TRPM3: variants seen among roughly 807,000 people sequenced by gnomAD.
TRPM3 encodes the protein long transient receptor potential channel 3.
TRPM3 carries 77 observed loss-of-function variants against 181.2 expected under a neutral mutation model. The ratio of observed to expected loss-of-function variants is 0.42; its 90% confidence interval spans 0.35 to 0.51. The LOEUF (loss-of-function observed/expected upper bound fraction) is 0.51. Among genes scored for constraint, TRPM3 ranks in the 20% least tolerant of loss-of-function variants. The probability of loss-of-function intolerance (pLI) is 0.01; values close to 1 mark genes in which losing one functional copy is unlikely to be tolerated. For missense variants in TRPM3, 1,759 were observed against 2,196.7 expected, an observed-to-expected ratio of 0.80 and a Z score of 3.98; for synonymous variants, 745 against 796.4, an observed-to-expected ratio of 0.94 and a Z score of 1.09.
intron 1 of TRPM3, among the ~76,000 whole-genome samples, chr9:71,110,616 A>G (rs2070860258): frequency 6.6e-6 from 1 of 152,112 alleles, no homozygotes; most frequent in Non-Finnish European, 1.5e-5. Context: ...TTTTATACAA[A>G]CCTTGCCTAC....
At chr9:70,884,386 C>T (rs1349405132) in intron 1 of TRPM3, among the ~76,000 whole-genome samples, 2 of 152,194 alleles carry the variant, frequency 1.3e-5, no homozygotes, top group Non-Finnish European at 2.9e-5. Context: ...TCTGATTTCA[C>T]TTTGGGATGC....
intron 7 of TRPM3, among the ~76,000 whole-genome samples, chr9:70,763,115 T>C (rs553842641): frequency 6.6e-6 from 1 of 152,280 alleles, no homozygotes; most frequent in Admixed American, 6.5e-5. Context: ...GCATTCCTCA[T>C]GACAGGACTA....
intron 1 of TRPM3, among the ~76,000 whole-genome samples, chr9:71,415,622 G>T (rs1365000889): frequency 6.6e-6 from 1 of 151,890 alleles, no homozygotes; most frequent in Non-Finnish European, 1.5e-5. Context: ...ATAAATCTCA[G>T]CTGCTGTATA....
At chr9:70,631,361 C>CTTTT (rs11285828) in intron 12 of TRPM3, among the ~76,000 whole-genome samples, 1 of 136,848 alleles carries the variant, frequency 7.3e-6, no homozygotes, top group Non-Finnish European at 1.6e-5. Context: ...TCTGAAATGC[C>CTTTT]TTTTTTTTTT....
chr9:71,399,164 A>T (rs970107267), intron 1 of TRPM3, among the ~76,000 whole-genome samples: 1 of 152,204 alleles, frequency 6.6e-6, no homozygotes, highest in Non-Finnish European at 1.5e-5. Flanking sequence ...ACAAAATAGG[A>T]GACTAAGATA....
At chr9:71,162,224 G>GAAA (rs1231439885) in intron 1 of TRPM3, among the ~76,000 whole-genome samples, 1 of 133,780 alleles carries the variant, frequency 7.5e-6, no homozygotes, top group South Asian at 2.4e-4. Flanking sequence ...AAAAAAAGAA[G>GAAA]AAAAAGAAAA....
At chr9:71,261,498 T>A (rs113565204) in intron 1 of TRPM3, among the ~76,000 whole-genome samples, 1,706 of 152,334 alleles carry the variant, frequency 0.011, 25 homozygotes, top group Non-Finnish European at 0.018. Flanking sequence ...TTCTGAAGCC[T>A]ACTTCCGTCA....
chr9:70,864,413 T>G lies in TRPM3; in HGVS notation c.257+19A>C, dbSNP rs769841036. On this transcript the variant is annotated intron_variant, in intron 2 of 25. Coordinates refer to ENST00000677713, the MANE Select transcript of TRPM3 (RefSeq NM_001366145.2). The stretch of plus-strand genomic sequence containing the variant: ...TAATTACTACTTCATGTTCTCAACA[T>G]TATAGACAGCAAGATTACCTATGGG... 1.4e-6 allele frequency: 2 copies of G among 1,475,568 alleles called. No homozygotes were observed. Among genetic ancestry groups the G allele is most frequent in the East Asian group, 5.1e-5 (2 of 39,386 alleles). The allele number at this position is 1,475,568 out of a possible 1,614,324, so 91.4% of individuals were successfully genotyped here. A position where few individuals can be genotyped will look rare whatever the true frequency, so the allele number is the denominator to read the frequency against.
chr9:71,270,644 G>A (rs1174056837), intron 1 of TRPM3, among the ~76,000 whole-genome samples: 3 of 152,102 alleles, frequency 2.0e-5, no homozygotes. Context: ...CCTTCCTGTG[G>A]TAGGAAGAAT....
Position 70,983,969 on chromosome 9 carries a change from TA to T in TRPM3, c.178-119459del, listed in dbSNP as rs1405671701. 6.6e-5 allele frequency among the ~76,000 whole-genome samples: 10 copies of T among 152,304 alleles called. No homozygotes were observed. In the South Asian group the frequency reaches 1.9e-3, roughly 28 times the overall value. ...CAGATTGTGGGTCAGAGTTCATTTT[TA>T]TCGATGGTCTGGCTGTGGTTCCTTT... is the stretch of plus-strand genomic sequence containing the variant. On this transcript the variant is annotated intron_variant, in intron 1 of 25. Coordinates refer to ENST00000677713, the MANE Select transcript of TRPM3 (RefSeq NM_001366145.2).
At chr9:71,409,914 G>A (rs1371595095) in intron 1 of TRPM3, among the ~76,000 whole-genome samples, 1 of 152,168 alleles carries the variant, frequency 6.6e-6, no homozygotes, top group East Asian at 1.9e-4. Flanking sequence ...CTGTGCCTCA[G>A]ACCACAGTGC....
chr9:71,018,593 A>C (rs574285928), intron 1 of TRPM3, among the ~76,000 whole-genome samples: 117 of 151,964 alleles, frequency 7.7e-4, no homozygotes, highest in African/African-American at 2.7e-3. Context: ...AATAAGACTC[A>C]ATGAAGCTAA....
chr9:71,208,013 G>A (rs780887993), intron 1 of TRPM3, among the ~76,000 whole-genome samples: 96 of 152,264 alleles, frequency 6.3e-4, no homozygotes, highest in Middle Eastern at 6.8e-3. Context: ...TAGGAGCAAG[G>A]AAGGAGAGAA....
chr9:71,193,752 T>A (rs2078173962), intron 1 of TRPM3, among the ~76,000 whole-genome samples: 2 of 151,952 alleles, frequency 1.3e-5, no homozygotes, highest in Admixed American at 1.3e-4. Flanking sequence ...ATCCACCGGA[T>A]TCCAAGTAAG....
chr9:70,575,111 T>G (rs932990228), intron 22 of TRPM3, among the ~76,000 whole-genome samples: 1 of 58,192 alleles, frequency 1.7e-5, no homozygotes, highest in African/African-American at 4.0e-5. Context: ...CCCGCATAAT[T>G]TTTTTTTTTT....
chr9:70,679,831 G>T (rs1280515779), intron 9 of TRPM3, among the ~76,000 whole-genome samples: 1 of 152,094 alleles, frequency 6.6e-6, no homozygotes, highest in African/African-American at 2.4e-5. Context: ...ATCTTTATTT[G>T]AGAATGGCAA....
At chr9:71,316,538 C>G (rs184813864) in intron 1 of TRPM3, among the ~76,000 whole-genome samples, 2 of 151,958 alleles carry the variant, frequency 1.3e-5, no homozygotes, top group African/African-American at 4.8e-5. Context: ...TTAAAAGAAC[C>G]CTTCTGTCTG....
chr9:70,993,970 GGC>G (rs1253010547), intron 1 of TRPM3, among the ~76,000 whole-genome samples: 2 of 151,990 alleles, frequency 1.3e-5, no homozygotes, highest in African/African-American at 4.8e-5. Context: ...ATGTCACAGA[GGC>G]ATACTGTGAT....
chr9:70,636,169 G>T (rs932782617), intron 11 of TRPM3, among the ~76,000 whole-genome samples: 3 of 152,038 alleles, frequency 2.0e-5, no homozygotes, highest in African/African-American at 7.3e-5. Context: ...TAACAAATGA[G>T]CTTGGTTATG....
Sources: gnomAD v4.1 joint callset for allele counts (sites outside exome capture counted in the v4.1 genomes callset) on GRCh38, gnomAD v4.1.1 for gene constraint, MANE v1.5 for transcripts, NCBI Gene and HGNC (gene_info 2026-07-23, HGNC 2026-07-21) for gene names.